CNTN5: variants seen among roughly 807,000 people sequenced by gnomAD.
CNTN5 encodes the protein contactin 5.
Under a neutral mutation model 129.1 loss-of-function variants are expected in CNTN5, and 77 were observed. That is an observed-to-expected ratio of 0.60 (90% confidence interval 0.50 to 0.72). The LOEUF (loss-of-function observed/expected upper bound fraction) is 0.72. Ranked by LOEUF, CNTN5 falls within the 30% of genes least tolerant of loss-of-function variation. The pLI is 0.00. For synonymous variants in CNTN5, 509 were observed against 465.6 expected, an observed-to-expected ratio of 1.09 and a Z score of -1.20; for missense variants, 1,478 against 1,328.8, an observed-to-expected ratio of 1.11 and a Z score of -1.75.
intron 1 of CNTN5, among the ~76,000 whole-genome samples, chr11:99,024,219 T>C (rs986878091): frequency 7.2e-5 from 11 of 152,202 alleles, no homozygotes; most frequent in African/African-American, 2.2e-4. Flanking sequence ...TAAGAAATCC[T>C]GTTTTATGAT....
At chr11:99,875,905 C>T (rs1019810266) in intron 6 of CNTN5, among the ~76,000 whole-genome samples, 1 of 151,994 alleles carries the variant, frequency 6.6e-6, no homozygotes, top group Non-Finnish European at 1.5e-5. Context: ...TGATTTTTCA[C>T]ACCATAAAAG....
rs531598483 is a variant in CNTN5 at position 99,401,282 on chromosome 11, T to A, written c.-71+75798T>A. The stretch of plus-strand genomic sequence containing the variant: ...TATGGTCAGAGATAGGGATCTAGTT[T>A]CATTGTTCTGCATATTGATATCCAG... On this transcript the variant is annotated intron_variant, in intron 2 of 24. Transcript: ENST00000524871. Among the ~76,000 whole-genome samples, 4 of 152,320 alleles carry A rather than the reference T, an allele frequency of 2.6e-5. No individual in the cohort carries two copies. The East Asian group carries it at 7.7e-4, about 29-fold the overall frequency.
chr11:99,036,253 T>C (rs1863727216), intron 1 of CNTN5, among the ~76,000 whole-genome samples: 1 of 152,156 alleles, frequency 6.6e-6, no homozygotes, highest in South Asian at 2.1e-4. Context: ...ATAATTCTTA[T>C]AACTTGTCCG....
rs1271893378 is a variant in CNTN5, at chr11:99,086,865, A to G, written c.-210+65595A>G. The stretch of plus-strand genomic sequence containing the variant: ...TCAAAGGCTCTATAAAATGTTTACC[A>G]TATGCCAGATATAGCTTCCCACTCT... On this transcript the variant is annotated intron_variant, in intron 1 of 24. Transcript: ENST00000524871. Among the ~76,000 whole-genome samples the G allele has an allele frequency of 3.3e-5, 5 of 152,210 alleles. No individual in the cohort carries two copies. In the South Asian group the frequency reaches 6.2e-4, roughly 19 times the overall value.
At position 99,507,157 on chromosome 11, in the gene CNTN5, C is replaced by A. The variant is rs151295004; in HGVS notation, c.-70-48988C>A. Among the ~76,000 whole-genome samples the A allele has an allele frequency of 8.1e-3, 1,232 of 152,052 alleles. 16 individuals are homozygous for A. The highest frequency in any genetic ancestry group is 0.029 in the African/African-American group (1,194 of 41,504). ...CTTTGGGAGGCCGAGGCAGGCAGAT[C>A]ATGAGGTCAAGAGCTCGAGACCATC... On this transcript the variant is annotated intron_variant, in intron 2 of 24. Transcript: ENST00000524871.
intron 4 of CNTN5, among the ~76,000 whole-genome samples, chr11:99,834,672 T>G (rs184374770): frequency 1.6e-4 from 25 of 152,330 alleles, no homozygotes; most frequent in African/African-American, 6.0e-4. Flanking sequence ...AGTTATGATT[T>G]AAAAACTTTG....
chr11:99,660,678 G>T (rs953182956), intron 3 of CNTN5, among the ~76,000 whole-genome samples: 27 of 151,966 alleles, frequency 1.8e-4, no homozygotes, highest in Non-Finnish European at 2.9e-4. Flanking sequence ...GGATAAAGAT[G>T]GTTCTTACGC....
At chr11:99,432,733 G>T (rs1943439589) in intron 2 of CNTN5, among the ~76,000 whole-genome samples, 1 of 151,838 alleles carries the variant, frequency 6.6e-6, no homozygotes, top group Non-Finnish European at 1.5e-5. Context: ...AGATGAAATT[G>T]GAGAGATGTG....
intron 3 of CNTN5, among the ~76,000 whole-genome samples, chr11:99,756,265 A>C (rs552034714): frequency 1.2e-4 from 19 of 152,252 alleles, no homozygotes; most frequent in Non-Finnish European, 2.2e-4. Context: ...GATTGGAAGA[A>C]AAGTTACGAT....
At chr11:99,569,810 G>C (rs1405320306) in intron 3 of CNTN5, among the ~76,000 whole-genome samples, 1 of 152,002 alleles carries the variant, frequency 6.6e-6, no homozygotes, top group Non-Finnish European at 1.5e-5. Flanking sequence ...AGAAACATCC[G>C]AATAGGATGA....
At chr11:100,224,313 A>G (rs950488720) in intron 15 of CNTN5, among the ~76,000 whole-genome samples, 1 of 152,156 alleles carries the variant, frequency 6.6e-6, no homozygotes, top group Non-Finnish European at 1.5e-5. Context: ...ATTTCCCACA[A>G]GTTGCTGTTC....
intron 13 of CNTN5, among the ~76,000 whole-genome samples, chr11:100,132,232 T>G (rs184438044): frequency 6.6e-6 from 1 of 152,244 alleles, no homozygotes; most frequent in Non-Finnish European, 1.5e-5. Flanking sequence ...AATACTTATT[T>G]GACCATGAGT....
At chr11:100,045,133 C>A (rs535048140) in intron 9 of CNTN5, among the ~76,000 whole-genome samples, 2 of 150,108 alleles carry the variant, frequency 1.3e-5, no homozygotes, top group East Asian at 3.9e-4. Context: ...TTTTTCTATT[C>A]ATTCTCGATT....
At chr11:99,849,838 A>G (rs1406786356) in intron 6 of CNTN5, among the ~76,000 whole-genome samples, 2 of 152,140 alleles carry the variant, frequency 1.3e-5, no homozygotes, top group African/African-American at 4.8e-5. Flanking sequence ...TAACCCTAAT[A>G]GTACTCAATC....
In CNTN5 at chr11:99,727,312, C is replaced by CAAA. The variant is rs397936738; in HGVS notation, c.56-92212_56-92210dup. Among the ~76,000 whole-genome samples the CAAA allele has an allele frequency of 3.3e-3, 79 of 24,274 alleles. 7 individuals are homozygous for CAAA. In the East Asian group the frequency reaches 0.034, roughly 10 times the overall value. 15.9% of individuals were successfully genotyped at this position (24,274 alleles called of 152,430 possible). A position where few individuals can be genotyped will look rare whatever the true frequency, so the allele number is the denominator to read the frequency against. ...TGGGCGACAGAGCGAGACTCCGTCT[C>CAAA]AAAAAAAAAAAAAAAAAAAAAATTC... On this transcript the variant is annotated intron_variant, in intron 3 of 24. Coordinates refer to ENST00000524871, the MANE Select transcript of CNTN5 (RefSeq NM_014361.4).
intron 3 of CNTN5, among the ~76,000 whole-genome samples, chr11:99,688,282 G>A (rs936711658): frequency 6.6e-6 from 1 of 152,098 alleles, no homozygotes; most frequent in African/African-American, 2.4e-5. Context: ...CCTTAAGTGA[G>A]TTTCCCATCT....
intron 1 of CNTN5, among the ~76,000 whole-genome samples, chr11:99,103,227 T>G (rs960375444): frequency 1.3e-5 from 2 of 152,156 alleles, no homozygotes; most frequent in African/African-American, 4.8e-5. Context: ...GAGATTTGGG[T>G]GGGGACACAG....
At chr11:99,078,277 G>A (rs569543194) in intron 1 of CNTN5, among the ~76,000 whole-genome samples, 2 of 152,240 alleles carry the variant, frequency 1.3e-5, no homozygotes, top group Admixed American at 1.3e-4. Flanking sequence ...AAGACATGTT[G>A]AATAGATATT....
intron 3 of CNTN5, among the ~76,000 whole-genome samples, chr11:99,748,700 G>A (rs756833390): frequency 2.0e-5 from 3 of 152,108 alleles, no homozygotes; most frequent in Non-Finnish European, 2.9e-5. Context: ...AATTATATTC[G>A]AGGACAGAAA....
Sources: allele counts gnomAD v4.1 joint callset (sites outside exome capture counted in the v4.1 genomes callset), GRCh38; gene constraint gnomAD v4.1.1; transcripts MANE v1.5; gene names NCBI Gene and HGNC (gene_info 2026-07-23, HGNC 2026-07-21).